DOCK5: variants seen among roughly 807,000 people sequenced by gnomAD.
DOCK5 encodes the protein dedicator of cytokinesis 5, also known as dedicator of cytokinesis protein 5.
In DOCK5, 142 loss-of-function variants were observed where a neutral mutation model predicts 251.8. The ratio of observed to expected loss-of-function variants is 0.56; its 90% CI spans 0.49 to 0.65. The LOEUF is 0.65. Ranked by LOEUF, DOCK5 falls within the 30% of genes least tolerant of loss-of-function variation. DOCK5 has a pLI of 0.00. For missense variants in DOCK5, 2,111 were observed against 2,312.3 expected (o/e 0.91, Z 1.79); for synonymous variants, 842 against 835.5 (o/e 1.01, Z -0.13).
intron 1 of DOCK5, 33 bp from the exon 2 acceptor site, chr8:25,243,641 T>C (rs1563322074): frequency 6.3e-7 from 1 of 1,599,760 alleles, no homozygotes; most frequent in African/African-American, 1.3e-5. Flanking sequence ...GTGACATGCA[T>C]TCTAATTTCC....
chr8:25,198,339 G>A (rs533007770), intron 1 of DOCK5, among the ~76,000 whole-genome samples: 1 of 152,270 alleles, frequency 6.6e-6, no homozygotes, highest in Non-Finnish European at 1.5e-5. Context: ...GGGAAGCTGA[G>A]GCGGGTAGAT....
chr8:25,271,083 G>A (rs2465002), intron 3 of DOCK5: 384,053 of 385,890 alleles, frequency 1, 191,131 homozygotes, highest in East Asian at 1. Flanking sequence ...ATAAAAATCA[G>A]TCTAGCTAAT....
chr8:25,303,214 G>A (rs1007117114), intron 10 of DOCK5, among the ~76,000 whole-genome samples: 1 of 152,130 alleles, frequency 6.6e-6, no homozygotes, highest in African/African-American at 2.4e-5. Flanking sequence ...GCCTGGCACT[G>A]CCCGTTTTCT....
intron 11 of DOCK5, among the ~76,000 whole-genome samples, chr8:25,306,222 C>A (rs1047274815): frequency 1.3e-5 from 2 of 152,010 alleles, no homozygotes; most frequent in Non-Finnish European, 2.9e-5. Flanking sequence ...TGTATGCTAC[C>A]ACCTATATAT....
intron 23 of DOCK5, among the ~76,000 whole-genome samples, 187 bp from the exon 24 acceptor site, chr8:25,341,552 C>T (rs192807688): frequency 3.3e-5 from 5 of 152,298 alleles, no homozygotes; most frequent in African/African-American, 1.2e-4. Context: ...TACCCCCTGG[C>T]ATCTTCAGGA....
intron 2 of DOCK5, among the ~76,000 whole-genome samples, chr8:25,254,773 C>CA (rs745860086): frequency 0.2 from 1,331 of 6,510 alleles, 570 homozygotes; most frequent in South Asian, 0.43. Context: ...GACTTTGTCT[C>CA]AAAAAAAAAC....
chr8:25,263,638 A>G (rs555974695), intron 2 of DOCK5, among the ~76,000 whole-genome samples: 3 of 151,424 alleles, frequency 2.0e-5, no homozygotes, highest in Admixed American at 6.6e-5. Context: ...TAGCTCAGCT[A>G]TCCGAGGCCA....
At chr8:25,214,281 C>T (rs1053244722) in intron 1 of DOCK5, among the ~76,000 whole-genome samples, 1 of 152,054 alleles carries the variant, frequency 6.6e-6, no homozygotes, top group Non-Finnish European at 1.5e-5. Flanking sequence ...TTTGCCTGTT[C>T]CTCTTTGATC....
intron 15 of DOCK5, among the ~76,000 whole-genome samples, chr8:25,320,031 A>G (rs1805381468): frequency 6.6e-6 from 1 of 152,204 alleles, no homozygotes; most frequent in South Asian, 2.1e-4. Context: ...TTCAACTTCA[A>G]TATGTGTATT....
At chr8:25,194,250 C>T (rs11994029) in intron 1 of DOCK5, among the ~76,000 whole-genome samples, 112,479 of 151,872 alleles carry the variant, frequency 0.74, 42,677 homozygotes, top group Non-Finnish European at 0.82. Flanking sequence ...GCCAAGATCA[C>T]GCCACTACAC....
At position 25,318,379 on chromosome 8, in the gene DOCK5, A is replaced by G. The variant is rs183836378; in HGVS notation, c.1444-1199A>G. ...GCTGGGATTACAGGCATGAGCCACC[A>G]TGTGCTGCCTGCTTTGCTTTGCTTT... On this transcript the variant is annotated intron_variant, in intron 14 of 51. Transcript: ENST00000276440. 3.2e-3 allele frequency among the ~76,000 whole-genome samples: 484 copies of G among 151,914 alleles called. 1 individual carries two copies. The highest frequency in any genetic ancestry group is 6.8e-3 in the Middle Eastern group (2 of 292).
In DOCK5 at chr8:25,324,814, A is replaced by G. The variant is rs528133985; in HGVS notation, c.1720-550A>G. ...CCCCCCTCCCCGCCCCCGCCACAAC[A>G]GGCCCTGGTGTGTGATGTTCCCCTT... On this transcript the variant is annotated intron_variant, in intron 17 of 51. Transcript: ENST00000276440. Among the ~76,000 whole-genome samples, 6 of 81,256 alleles carry G rather than the reference A, an allele frequency of 7.4e-5. No homozygotes were observed. In the South Asian group the frequency reaches 3.0e-3, roughly 40 times the overall value. The allele number at this position is 81,256 out of a possible 152,430, so 53.3% of individuals were successfully genotyped here.
intron 18 of DOCK5, 69 bp downstream of exon 18, chr8:25,325,616 T>C: frequency 6.4e-7 from 1 of 1,571,308 alleles, no homozygotes; most frequent in Non-Finnish European, 8.7e-7. Context: ...TTGGTTAGGC[T>C]CACAGGGCTG....
intron 13 of DOCK5, among the ~76,000 whole-genome samples, chr8:25,312,197 T>A (rs1462889685): frequency 1.3e-5 from 2 of 152,190 alleles, no homozygotes; most frequent in Non-Finnish European, 2.9e-5. Flanking sequence ...GAAAATGTTT[T>A]GTCTTCTTGT....
Position 25,184,886 on chromosome 8 carries a change from C to A in DOCK5, c.-23C>A. ...GAGCTGTAGCAGCCTTAGTCGCCGC[C>A]GCCGCGGGGCGAGGTCGCCGCCATG... On this transcript the variant is annotated 5_prime_UTR_variant, in exon 1 of 52. Coordinates refer to ENST00000276440, the MANE Select transcript of DOCK5 (RefSeq NM_024940.8). The A allele has an allele frequency of 1.4e-6, 2 of 1,379,958 alleles. No individual in the cohort carries two copies. Among genetic ancestry groups the A allele is most frequent in the Non-Finnish European group, 1.9e-6 (2 of 1,059,776 alleles). The allele number at this position is 1,379,958 out of a possible 1,614,324, so 85.5% of individuals were successfully genotyped here. A position where few individuals can be genotyped will look rare whatever the true frequency, so the allele number is the denominator to read the frequency against.
At chr8:25,302,999 A>G (rs945751291) in intron 10 of DOCK5, among the ~76,000 whole-genome samples, 1 of 152,230 alleles carries the variant, frequency 6.6e-6, no homozygotes, top group Admixed American at 6.5e-5. Flanking sequence ...TGATGGTTGC[A>G]CAACAATGTG....
intron 8 of DOCK5, among the ~76,000 whole-genome samples, chr8:25,299,722 AT>A (rs902245065): frequency 2.6e-5 from 4 of 152,140 alleles, no homozygotes; most frequent in East Asian, 1.9e-4. Context: ...ATTAAAAAAC[AT>A]TTTTTTTAAG....
chr8:25,376,128 A>G (rs1800959361), intron 37 of DOCK5: 1 of 974,438 alleles, frequency 1.0e-6, no homozygotes, highest in Non-Finnish European at 1.2e-6. Context: ...AAAGCAACCT[A>G]CTGTATATAG....
rs1457281473 is a variant in DOCK5, at chr8:25,359,110, G to T, written c.2949+49G>T. On this transcript the variant is annotated intron_variant, in intron 28 of 51. Coordinates refer to ENST00000276440, the MANE Select transcript of DOCK5 (RefSeq NM_024940.8). ...GTAACCTGAAGACTTCTTAAATTTG[G>T]TTTAAAAAAATGACTGAAGCTGAGC... 5 of 1,540,190 alleles carry T rather than the reference G, an allele frequency of 3.2e-6. No individual in the cohort carries two copies. In the South Asian group the frequency reaches 4.5e-5, roughly 14 times the overall value.
Sources: allele counts gnomAD v4.1 joint callset (sites outside exome capture counted in the v4.1 genomes callset), GRCh38; gene constraint gnomAD v4.1.1; transcripts MANE v1.5; gene names NCBI Gene and HGNC (gene_info 2026-07-23, HGNC 2026-07-21).